LHX8: variants seen among roughly 807,000 people sequenced by gnomAD.
The protein encoded by LHX8 is LIM homeobox 8.
In LHX8, 12 loss-of-function variants were observed where a neutral mutation model predicts 40.3. The observed-to-expected ratio is 0.30, with a 90% CI of 0.19 to 0.48. The LOEUF (loss-of-function observed/expected upper bound fraction) is 0.48. LHX8 is among the 20% of genes least tolerant of loss of function. LHX8 has a pLI of 0.99. For missense variants in LHX8, 344 were observed against 433.7 expected, an observed-to-expected ratio of 0.79 and a Z score of 1.84; for synonymous variants, 179 against 162.0, an observed-to-expected ratio of 1.10 and a Z score of -0.80.
the LHX8 span, among the ~76,000 whole-genome samples, chr1:75,178,269 T>C: frequency 1.3e-5 from 2 of 152,358 alleles, no homozygotes; most frequent in Non-Finnish European, 2.9e-5. Context: ...TTTTTGTAAC[T>C]CTGGTAGAAT....
the LHX8 span, among the ~76,000 whole-genome samples, chr1:75,192,502 C>G: frequency 6.6e-6 from 1 of 152,172 alleles, no homozygotes; most frequent in African/African-American, 2.4e-5. Context: ...TGTTATTTCT[C>G]TACTGAGGCA....
chr1:75,153,650 T>TTCG (rs1648675566), intron 7 of LHX8, among the ~76,000 whole-genome samples: 5 of 144,448 alleles, frequency 3.5e-5, no homozygotes, highest in Admixed American at 3.4e-4. Flanking sequence ...GAACTTGTGA[T>TTCG]CTGCCACCTC....
intron 3 of LHX8, among the ~76,000 whole-genome samples, chr1:75,137,820 C>T (rs577606542): frequency 6.6e-6 from 1 of 152,256 alleles, no homozygotes; most frequent in Non-Finnish European, 1.5e-5. Context: ...AAAATACAGT[C>T]CTATGTTTTT....
upstream of LHX8, chr1:75,133,067 T>C (rs1397117991): frequency 6.6e-6 from 1 of 152,222 alleles, no homozygotes; most frequent in Non-Finnish European, 1.5e-5. Flanking sequence ...CTTTCAATTT[T>C]CTAAGAGGGC....
chr1:75,174,946 T>A, the LHX8 span, among the ~76,000 whole-genome samples: 2 of 152,140 alleles, frequency 1.3e-5, no homozygotes, highest in Admixed American at 6.5e-5. Flanking sequence ...CAATGTGTGG[T>A]TTTTATCCCT....
downstream of LHX8, among the ~76,000 whole-genome samples, chr1:75,163,462 G>T (rs943052573): frequency 7.2e-5 from 11 of 152,170 alleles, no homozygotes; most frequent in African/African-American, 2.7e-4. Context: ...AATACACTAA[G>T]TACCAAAAGT....
the LHX8 span, among the ~76,000 whole-genome samples, chr1:75,166,946 G>A: frequency 6.6e-6 from 1 of 152,230 alleles, no homozygotes; most frequent in African/African-American, 2.4e-5. Context: ...TGCTCATGTA[G>A]GGCAGGGGAT....
At chr1:75,139,423 C>T (rs1022342942) in intron 3 of LHX8, among the ~76,000 whole-genome samples, 3 of 152,122 alleles carry the variant, frequency 2.0e-5, no homozygotes, top group Admixed American at 6.6e-5. Context: ...GAGGCCATGG[C>T]TCTTCCCCTA....
At chr1:75,156,854 T>G in intron 7 of LHX8, 39 bp from the exon 8 acceptor site, 4 of 1,598,840 alleles carry the variant, frequency 2.5e-6, no homozygotes, top group Non-Finnish European at 3.4e-6. Flanking sequence ...GAAGCTGGTG[T>G]GTAACCTACC....
intron 7 of LHX8, 121 bp downstream of exon 7, chr1:75,148,803 A>C: frequency 2.8e-6 from 2 of 708,316 alleles, no homozygotes; most frequent in Middle Eastern, 5.4e-4. Context: ...TCAGCCTCCC[A>C]AAGTAATGGG....
chr1:75,152,316 C>A (rs1648633169), intron 7 of LHX8, among the ~76,000 whole-genome samples: 1 of 152,160 alleles, frequency 6.6e-6, no homozygotes. Context: ...ATAAAGCAGA[C>A]TGTCCTTATA....
chr1:75,160,082 T>A (rs563417060), intron 8 of LHX8: 28 of 148,406 alleles, frequency 1.9e-4, no homozygotes, highest in African/African-American at 7.3e-4. Flanking sequence ...CTATCAGACA[T>A]TTGTTTTGTT....
At chr1:75,162,718 AAGAG>A (rs1648946853), downstream of LHX8, among the ~76,000 whole-genome samples, 1 of 152,200 alleles carries the variant, frequency 6.6e-6, no homozygotes, top group African/African-American at 2.4e-5. Flanking sequence ...TAATCATGAA[AAGAG>A]ATAGATGTGA....
At chr1:75,190,975 A>G in the LHX8 span, among the ~76,000 whole-genome samples, 5 of 152,188 alleles carry the variant, frequency 3.3e-5, no homozygotes, top group Non-Finnish European at 7.3e-5. Context: ...TTCATAGAAT[A>G]TACACTTAAA....
chr1:75,180,753 T>C, the LHX8 span, among the ~76,000 whole-genome samples: 1 of 152,214 alleles, frequency 6.6e-6, no homozygotes, highest in Non-Finnish European at 1.5e-5. Flanking sequence ...GCTGCAATCC[T>C]TTGGAGTAGA....
chr1:75,195,115 C>T, the LHX8 span, among the ~76,000 whole-genome samples: 202 of 152,324 alleles, frequency 1.3e-3, no homozygotes, highest in Middle Eastern at 3.4e-3. Flanking sequence ...CTCTCTACTT[C>T]TTTCCATATC....
chr1:75,133,386 G>T (rs532174365), upstream of LHX8, among the ~76,000 whole-genome samples: 3 of 152,168 alleles, frequency 2.0e-5, no homozygotes, highest in African/African-American at 7.2e-5. Context: ...AGATCATTTC[G>T]CTCTTTTTCT....
At chr1:75,177,548 T>G in the LHX8 span, among the ~76,000 whole-genome samples, 5 of 152,262 alleles carry the variant, frequency 3.3e-5, no homozygotes, top group Non-Finnish European at 7.3e-5. Flanking sequence ...TTGCTGAAGT[T>G]GCTTATCAGC....
upstream of LHX8, among the ~76,000 whole-genome samples, chr1:75,133,215 C>T (rs1526505): frequency 0.21 from 32,484 of 152,114 alleles, 4,678 homozygotes; most frequent in East Asian, 0.76. Flanking sequence ...TAGGAAAATG[C>T]TCTGAAGACT....
Sources: gnomAD v4.1 joint callset for allele counts (sites outside exome capture counted in the v4.1 genomes callset) on GRCh38, gnomAD v4.1.1 for gene constraint, MANE v1.5 for transcripts, NCBI Gene and HGNC (gene_info 2026-07-23, HGNC 2026-07-21) for gene names.